CCDC102B: variants seen among roughly 807,000 people sequenced by gnomAD.
The protein encoded by CCDC102B is coiled-coil domain-containing protein 102B.
A neutral mutation model predicts 57.4 loss-of-function variants in CCDC102B; 75 were observed. The ratio of observed to expected loss-of-function variants is 1.31; its 90% CI spans 1.08 to 1.58. CCDC102B has a LOEUF of 1.58. CCDC102B is among the 40% of genes most tolerant of loss of function. CCDC102B has a pLI of 0.00. For synonymous variants in CCDC102B, 206 were observed against 201.9 expected (o/e 1.02, Z -0.17); for missense variants, 636 against 582.6 (o/e 1.09, Z -0.94).
Position 68,837,038 on chromosome 18 carries a change from T to G in CCDC102B, c.275T>G (p.Met92Arg). The change falls in exon 2 of 8, where the codon ATG becomes AGG. Residue 92 changes from methionine to arginine, a missense_variant. Met to Arg is a moderately conservative substitution (Grantham distance 91). Coordinates refer to ENST00000360242, the MANE Select transcript of CCDC102B (RefSeq NM_024781.3). ...KARAAQMEKTMRWWSDCTANW... is the reference protein window; with the variant it reads ...KARAAQMEKTRRWWSDCTANW... ...AGAGCTGCTCAGATGGAAAAGACCA[T>G]GCGGTGGTGGTCGGACTGCACTGCC... The G allele has an allele frequency of 6.2e-7, 1 of 1,614,168 alleles. No individual in the cohort carries two copies. The highest frequency in any genetic ancestry group is 8.5e-7 in the Non-Finnish European group (1 of 1,180,030).
At chr18:68,974,712 G>A (rs1405703076) in intron 6 of CCDC102B, among the ~76,000 whole-genome samples, 1 of 151,644 alleles carries the variant, frequency 6.6e-6, no homozygotes, top group East Asian at 1.9e-4. Flanking sequence ...AAATTTTAAA[G>A]TGACATTAAA....
At chr18:68,935,101 A>C (rs1456649689) in intron 6 of CCDC102B, among the ~76,000 whole-genome samples, 1 of 151,792 alleles carries the variant, frequency 6.6e-6, no homozygotes, top group Non-Finnish European at 1.5e-5. Context: ...ATAAGGTGAC[A>C]TTGAAACTGA....
At chr18:68,765,390 GAAAA>G (rs1208033632) in intron 2 of CCDC102B, among the ~76,000 whole-genome samples, 6 of 137,696 alleles carry the variant, frequency 4.4e-5, no homozygotes, top group Admixed American at 3.7e-4. Context: ...AAGAAAGAAA[GAAAA>G]GAAAGGAAGG....
chr18:68,885,848 AAATAAAAT>A (rs2039865401), intron 5 of CCDC102B, among the ~76,000 whole-genome samples: 4 of 152,002 alleles, frequency 2.6e-5, no homozygotes, highest in Non-Finnish European at 5.9e-5. Flanking sequence ...AGATGTCTCA[AAATAAAAT>A]AAAAGTGACA....
At chr18:68,772,459 T>C (rs770770416) in intron 2 of CCDC102B, among the ~76,000 whole-genome samples, 17 of 152,292 alleles carry the variant, frequency 1.1e-4, no homozygotes, top group Non-Finnish European at 2.2e-4. Flanking sequence ...AAATTTTTAC[T>C]TCTTGACCCA....
intron 6 of CCDC102B, among the ~76,000 whole-genome samples, chr18:68,987,397 A>C (rs2050751650): frequency 6.6e-6 from 1 of 151,960 alleles, no homozygotes; most frequent in Admixed American, 6.6e-5. Context: ...ACCCCTATAC[A>C]AAAGTTCACC....
rs1265226482 is a variant in CCDC102B, at chr18:69,052,510, CAT to C, written c.1435-1518_1435-1517del. ...CTATCGTCTGTTATACACACACACA[CAT>C]ACATAGTGTGTGTGTGCACGTGTGT... is the stretch of plus-strand genomic sequence containing the variant. On this transcript the variant is annotated intron_variant, in intron 7 of 7. Coordinates refer to ENST00000360242, the MANE Select transcript of CCDC102B (RefSeq NM_024781.3). Among the ~76,000 whole-genome samples, 4 of 151,950 alleles carry C rather than the reference CAT, an allele frequency of 2.6e-5. 1 individual carries two copies. The highest frequency in any genetic ancestry group is 6.8e-3 in the Middle Eastern group (2 of 294).
intron 2 of CCDC102B, among the ~76,000 whole-genome samples, chr18:68,739,079 C>T (rs922876343): frequency 1.3e-5 from 2 of 151,124 alleles, no homozygotes; most frequent in Non-Finnish European, 2.9e-5. Flanking sequence ...ACTGCAACCT[C>T]CACCTCCCAG....
At chr18:68,949,275 T>G (rs1241274029) in intron 6 of CCDC102B, among the ~76,000 whole-genome samples, 1 of 152,122 alleles carries the variant, frequency 6.6e-6, no homozygotes. Context: ...ACACTCAATA[T>G]TAACCATCAC....
chr18:68,982,349 C>T (rs2050610637), intron 6 of CCDC102B, among the ~76,000 whole-genome samples: 1 of 151,780 alleles, frequency 6.6e-6, no homozygotes, highest in African/African-American at 2.4e-5. Flanking sequence ...TTTTCATAAC[C>T]AATAATCATC....
intron 5 of CCDC102B, among the ~76,000 whole-genome samples, chr18:68,878,579 A>T (rs2039546569): frequency 2.6e-5 from 4 of 152,090 alleles, no homozygotes. Flanking sequence ...GACCCCAGAG[A>T]GTTAGCTCAC....
chr18:68,808,910 A>G (rs2036141819), intron 1 of CCDC102B, among the ~76,000 whole-genome samples: 1 of 152,186 alleles, frequency 6.6e-6, no homozygotes, highest in Non-Finnish European at 1.5e-5. Context: ...TGAATTTTAC[A>G]TGGTTTTATT....
At chr18:68,865,023 G>T (rs2144894779) in intron 4 of CCDC102B, among the ~76,000 whole-genome samples, 1 of 152,072 alleles carries the variant, frequency 6.6e-6, no homozygotes, top group African/African-American at 2.4e-5. Flanking sequence ...GTTTTTGAAG[G>T]AAGCTTTGTG....
intron 1 of CCDC102B, among the ~76,000 whole-genome samples, chr18:68,829,441 G>A (rs1044462866): frequency 1.3e-5 from 2 of 151,936 alleles, no homozygotes; most frequent in Non-Finnish European, 2.9e-5. Flanking sequence ...TGTAAAGAAT[G>A]TACTGTTGGG....
At chr18:68,751,906 A>C (rs1432661488) in intron 2 of CCDC102B, among the ~76,000 whole-genome samples, 2 of 152,214 alleles carry the variant, frequency 1.3e-5, no homozygotes, top group Non-Finnish European at 2.9e-5. Context: ...TTCTTGATGC[A>C]TAACAGTGAA....
chr18:68,970,278 A>G (rs1206836291), intron 6 of CCDC102B, among the ~76,000 whole-genome samples: 1 of 152,032 alleles, frequency 6.6e-6, no homozygotes, highest in African/African-American at 2.4e-5. Flanking sequence ...AATATAGCTG[A>G]GACTGTTTTA....
intron 6 of CCDC102B, among the ~76,000 whole-genome samples, chr18:68,995,903 TG>T (rs2051013807): frequency 6.6e-6 from 1 of 152,110 alleles, no homozygotes; most frequent in South Asian, 2.1e-4. Flanking sequence ...GCAGCCGCAA[TG>T]GGGCTGGTAC....
chr18:69,043,978 G>A (rs1040120910), intron 7 of CCDC102B, among the ~76,000 whole-genome samples: 1 of 152,002 alleles, frequency 6.6e-6, no homozygotes, highest in African/African-American at 2.4e-5. Context: ...GTCTGGTAAG[G>A]GGTCCAAGAA....
At chr18:69,023,522 T>C (rs2051904562) in intron 7 of CCDC102B, among the ~76,000 whole-genome samples, 1 of 151,624 alleles carries the variant, frequency 6.6e-6, no homozygotes, top group African/African-American at 2.4e-5. Flanking sequence ...ATTATAATCA[T>C]ATAAATGCTG....
Sources: allele counts gnomAD v4.1 joint callset (sites outside exome capture counted in the v4.1 genomes callset), GRCh38; gene constraint gnomAD v4.1.1; transcripts MANE v1.5; gene names NCBI Gene and HGNC (gene_info 2026-07-23, HGNC 2026-07-21).